The following ZNF521 variants were observed in gnomAD, a reference collection of about 807,000 sequenced individuals.
ZNF521 encodes LYST-interacting protein 3.
A neutral mutation model predicts 105.5 loss-of-function variants in ZNF521; 14 were observed. The observed-to-expected ratio is 0.13, with a 90% CI of 0.09 to 0.21. The LOEUF is 0.21. Ranked by LOEUF, ZNF521 falls within the 10% of genes least tolerant of loss-of-function variation. ZNF521 has a pLI of 1.00. For synonymous variants in ZNF521, 635 were observed against 606.0 expected, an observed-to-expected ratio of 1.05 and a Z score of -0.70; for missense variants, 1,233 against 1,629.7, an observed-to-expected ratio of 0.76 and a Z score of 4.19.
intron 2 of ZNF521, among the ~76,000 whole-genome samples, chr18:25,344,255 G>C (rs1914362370): frequency 6.8e-6 from 1 of 146,464 alleles, no homozygotes; most frequent in South Asian, 2.2e-4. Flanking sequence ...GATTTATCTT[G>C]TGTCGGGCTT....
At position 25,150,896 on chromosome 18, in the gene ZNF521, T is replaced by TC. The variant is rs201357462; in HGVS notation, c.3658+44263_3658+44264insG. Among the ~76,000 whole-genome samples the TC allele has an allele frequency of 5.9e-3, 882 of 149,442 alleles. 7 individuals carry two copies. The highest frequency in any genetic ancestry group is 0.02 in the African/African-American group (831 of 40,850). On this transcript the variant is annotated intron_variant, in intron 5 of 7. Transcript: ENST00000361524. ...GCTCTTTTTTTTTCTTTTTTCTTTTTTTTTTTTTTTGAGACAGAGTCTCGC... is the reference window on the plus strand; with the variant it reads ...GCTCTTTTTTTTTCTTTTTTCTTTTTCTTTTTTTTTTGAGACAGAGTCTCGC...
At chr18:25,282,596 T>C (rs1910449777) in intron 3 of ZNF521, among the ~76,000 whole-genome samples, 1 of 152,042 alleles carries the variant, frequency 6.6e-6, no homozygotes, top group Non-Finnish European at 1.5e-5. Flanking sequence ...TGAAAGGCAA[T>C]GTGGATGTGC....
intron 3 of ZNF521, among the ~76,000 whole-genome samples, chr18:25,284,540 C>T (rs1230849031): frequency 3.9e-5 from 6 of 152,044 alleles, no homozygotes; most frequent in African/African-American, 1.5e-4. Flanking sequence ...TGAGTTGAGA[C>T]GAGAGCGCTG....
chr18:25,265,621 A>G (rs1380757703), intron 3 of ZNF521, among the ~76,000 whole-genome samples: 4 of 152,198 alleles, frequency 2.6e-5, no homozygotes, highest in African/African-American at 9.7e-5. Flanking sequence ...TAGTACAACA[A>G]CTACAGAGAA....
intron 7 of ZNF521, among the ~76,000 whole-genome samples, chr18:25,076,479 T>A (rs1043691216): frequency 1.3e-5 from 2 of 152,198 alleles, no homozygotes; most frequent in Non-Finnish European, 2.9e-5. Flanking sequence ...AAATGAATTA[T>A]CTCTTATCCC....
chr18:25,063,678 G>T (rs1259501828), intron 7 of ZNF521, among the ~76,000 whole-genome samples: 1 of 152,118 alleles, frequency 6.6e-6, no homozygotes, highest in Non-Finnish European at 1.5e-5. Context: ...AGATAACCTG[G>T]TTCGCCAGGA....
chr18:25,221,406 A>C (rs1669619714), intron 4 of ZNF521, among the ~76,000 whole-genome samples: 1 of 152,096 alleles, frequency 6.6e-6, no homozygotes, highest in African/African-American at 2.4e-5. Flanking sequence ...CAATCATATA[A>C]TATTCTTTTT....
chr18:25,137,755 G>C (rs1048291180), intron 5 of ZNF521, among the ~76,000 whole-genome samples: 2 of 152,096 alleles, frequency 1.3e-5, no homozygotes, highest in Non-Finnish European at 2.9e-5. Flanking sequence ...GACAGACATC[G>C]AGTCCAACGC....
At chr18:25,171,694 G>T (rs1474541331) in intron 5 of ZNF521, among the ~76,000 whole-genome samples, 1 of 152,074 alleles carries the variant, frequency 6.6e-6, no homozygotes, top group Admixed American at 6.5e-5. Context: ...AATCTGCACT[G>T]CACTGTAATA....
rs182117775 is a variant in ZNF521, at chr18:25,140,791, G to C, written c.3659-48710C>G. Among the ~76,000 whole-genome samples, 117 of 152,220 alleles carry C rather than the reference G, an allele frequency of 7.7e-4. No individual in the cohort carries two copies. The Middle Eastern group carries it at 0.01, about 13-fold the overall frequency. ...ACATTCCTGAAGATTTTTTAGTGTA[G>C]AAAACAAAGTGCACATACAACTGTG... On this transcript the variant is annotated intron_variant, in intron 5 of 7. Transcript: ENST00000361524.
At chr18:25,343,266 A>G (rs1253143975) in intron 2 of ZNF521, among the ~76,000 whole-genome samples, 1 of 152,168 alleles carries the variant, frequency 6.6e-6, no homozygotes, top group African/African-American at 2.4e-5. Context: ...AAATAATGAG[A>G]CTCAATGATA....
chr18:25,082,043 C>T (rs550315140), intron 7 of ZNF521, among the ~76,000 whole-genome samples: 3 of 152,134 alleles, frequency 2.0e-5, no homozygotes, highest in Admixed American at 6.5e-5. Flanking sequence ...GCAAATGATT[C>T]GGTTCCTGGA....
intron 3 of ZNF521, among the ~76,000 whole-genome samples, chr18:25,265,754 G>A (rs577101722): frequency 6.6e-6 from 1 of 152,316 alleles, no homozygotes; most frequent in African/African-American, 2.4e-5. Flanking sequence ...CTGCAGCACT[G>A]TTGACAATAG....
chr18:25,143,448 C>A (rs2034888055), intron 5 of ZNF521, among the ~76,000 whole-genome samples: 1 of 152,034 alleles, frequency 6.6e-6, no homozygotes, highest in Non-Finnish European at 1.5e-5. Context: ...TCTTGTGTAT[C>A]TTGTAAACTG....
At chr18:25,195,586 C>T (rs1054189628) in intron 4 of ZNF521, among the ~76,000 whole-genome samples, 2 of 151,118 alleles carry the variant, frequency 1.3e-5, no homozygotes, top group Non-Finnish European at 3.0e-5. Flanking sequence ...AAAAAATCTA[C>T]AGAGTTTCAG....
intron 3 of ZNF521, among the ~76,000 whole-genome samples, chr18:25,287,492 T>C (rs1261116051): frequency 1.3e-5 from 2 of 152,162 alleles, no homozygotes; most frequent in African/African-American, 2.4e-5. Context: ...CGAAATGTTA[T>C]TGATCCCGGT....
intron 5 of ZNF521, among the ~76,000 whole-genome samples, chr18:25,129,959 A>G (rs781452028): frequency 6.6e-6 from 1 of 152,142 alleles, no homozygotes; most frequent in Non-Finnish European, 1.5e-5. Flanking sequence ...TAATATTAAC[A>G]TATTATTTCA....
chr18:25,230,149 C>T (rs1303300586), intron 3 of ZNF521, among the ~76,000 whole-genome samples: 1 of 152,132 alleles, frequency 6.6e-6, no homozygotes, highest in African/African-American at 2.4e-5. Context: ...TTTCTTCTCT[C>T]CAGTCCCCAT....
chr18:25,144,439 AATC>A (rs1304356034), intron 5 of ZNF521, among the ~76,000 whole-genome samples: 1 of 152,186 alleles, frequency 6.6e-6, no homozygotes, highest in Non-Finnish European at 1.5e-5. Flanking sequence ...AGATTTGATG[AATC>A]TATCTTAGAG....
Sources: gnomAD v4.1 joint callset for allele counts (sites outside exome capture counted in the v4.1 genomes callset) on GRCh38, gnomAD v4.1.1 for gene constraint, MANE v1.5 for transcripts, NCBI Gene and HGNC (gene_info 2026-07-23, HGNC 2026-07-21) for gene names.